The following NPAS3 variants were observed in gnomAD, a reference collection of about 807,000 sequenced individuals.
NPAS3 encodes the protein neuronal PAS domain-containing protein 3.
Under a neutral mutation model 73.1 loss-of-function variants are expected in NPAS3, and 14 were observed. The observed-to-expected ratio is 0.19, with a 90% CI of 0.13 to 0.30. The LOEUF is 0.30. NPAS3 is among the 10% of genes least tolerant of loss of function. The pLI, the probability that NPAS3 is intolerant of heterozygous loss-of-function variation, is 1.00. For synonymous variants in NPAS3, 620 were observed against 541.5 expected (o/e 1.14, Z -2.01); for missense variants, 1,096 against 1,250.0 (o/e 0.88, Z 1.86).
intron 4 of NPAS3, among the ~76,000 whole-genome samples, chr14:33,379,895 T>C (rs895921084): frequency 6.6e-6 from 1 of 151,988 alleles, no homozygotes; most frequent in African/African-American, 2.4e-5. Flanking sequence ...AACAATTATA[T>C]TATAATGTCA....
At chr14:32,968,601 C>A (rs970767099) in intron 1 of NPAS3, among the ~76,000 whole-genome samples, 4 of 152,072 alleles carry the variant, frequency 2.6e-5, no homozygotes, top group African/African-American at 9.7e-5. Context: ...CATTTCCACA[C>A]TTTAAATCAT....
intron 4 of NPAS3, among the ~76,000 whole-genome samples, chr14:33,536,695 G>A (rs184743922): frequency 6.6e-6 from 1 of 151,914 alleles, no homozygotes; most frequent in Non-Finnish European, 1.5e-5. Flanking sequence ...ATGCTTTGGA[G>A]GTTCCTGCTG....
At chr14:33,715,532 C>A (rs1055036964) in intron 6 of NPAS3, among the ~76,000 whole-genome samples, 5 of 152,164 alleles carry the variant, frequency 3.3e-5, no homozygotes, top group African/African-American at 1.2e-4. Context: ...CTCTCCCCTG[C>A]TCTTGCCTGT....
rs141947558 is a variant in NPAS3, at chr14:33,592,765, T to A, written c.558+32555T>A. 2.0e-4 allele frequency among the ~76,000 whole-genome samples: 30 copies of A among 152,326 alleles called. 1 individual carries two copies. Among genetic ancestry groups the A allele is most frequent in the African/African-American group, 7.2e-4 (30 of 41,574 alleles). ...TGGAAATGTAATAATCCTTTAAGGCTCTTTTTAGTAAGAGAATAAAACAGA... is the reference window on the plus strand; with the variant it reads ...TGGAAATGTAATAATCCTTTAAGGCACTTTTTAGTAAGAGAATAAAACAGA... On this transcript the variant is annotated intron_variant, in intron 5 of 11. Transcript: ENST00000356141.
At chr14:33,361,059 C>G (rs149337399) in intron 3 of NPAS3, among the ~76,000 whole-genome samples, 168 of 152,278 alleles carry the variant, frequency 1.1e-3, no homozygotes, top group African/African-American at 3.3e-3. Flanking sequence ...GAGGGACATA[C>G]AGTATTCTTA....
At chr14:33,363,585 C>A (rs1298245632) in intron 3 of NPAS3, among the ~76,000 whole-genome samples, 1 of 152,116 alleles carries the variant, frequency 6.6e-6, no homozygotes, top group Non-Finnish European at 1.5e-5. Flanking sequence ...TTATTTTTAA[C>A]CCTTGTAAAA....
At position 33,388,061 on chromosome 14, in the gene NPAS3, G is replaced by GA. The variant is rs1168712568; in HGVS notation, c.468+20793_468+20794insA. 3.8e-4 allele frequency among the ~76,000 whole-genome samples: 58 copies of GA among 152,200 alleles called. 1 individual carries two copies. Among genetic ancestry groups the GA allele is most frequent in the African/African-American group, 9.9e-4 (41 of 41,540 alleles). ...TGTGACCTTGAGTAGGACCTTCACTGGTGAATGTGGTTTTACCAAGTAAAG... is the reference window on the plus strand; with the variant it reads ...TGTGACCTTGAGTAGGACCTTCACTGAGTGAATGTGGTTTTACCAAGTAAAG... On this transcript the variant is annotated intron_variant, in intron 4 of 11. Coordinates refer to ENST00000356141, the Ensembl canonical transcript of NPAS3.
chr14:33,597,913 A>T (rs980456292), intron 5 of NPAS3, among the ~76,000 whole-genome samples: 11 of 152,232 alleles, frequency 7.2e-5, no homozygotes, highest in African/African-American at 2.4e-4. Context: ...AGCCTATCTG[A>T]AAATTCATAG....
chr14:33,568,428 AG>A (rs1462413442), intron 5 of NPAS3, among the ~76,000 whole-genome samples: 1 of 152,192 alleles, frequency 6.6e-6, no homozygotes, highest in East Asian at 1.9e-4. Flanking sequence ...TATTATGCAA[AG>A]TTAGAAAGTA....
chr14:33,724,186 G>C (rs1202610419), intron 6 of NPAS3, among the ~76,000 whole-genome samples: 1 of 152,142 alleles, frequency 6.6e-6, no homozygotes, highest in Non-Finnish European at 1.5e-5. Flanking sequence ...ATATGTCAGA[G>C]TTAATATCCT....
intron 5 of NPAS3, among the ~76,000 whole-genome samples, chr14:33,648,592 G>A (rs1369331295): frequency 1.3e-5 from 2 of 152,112 alleles, no homozygotes; most frequent in Admixed American, 1.3e-4. Context: ...CTAATGAACT[G>A]CCATAGTTTG....
intron 1 of NPAS3, among the ~76,000 whole-genome samples, chr14:33,034,983 AAAAAATAT>A (rs2040117070): frequency 1.3e-5 from 2 of 152,204 alleles, no homozygotes; most frequent in African/African-American, 4.8e-5. Flanking sequence ...AATTTCATAG[AAAAAATAT>A]CACATTGCTT....
At chr14:33,765,549 G>A (rs1371352349) in intron 7 of NPAS3, among the ~76,000 whole-genome samples, 2 of 152,150 alleles carry the variant, frequency 1.3e-5, no homozygotes, top group Non-Finnish European at 2.9e-5. Flanking sequence ...AGCGTGCACA[G>A]GAAATATGCC....
intron 3 of NPAS3, among the ~76,000 whole-genome samples, chr14:33,272,534 A>C (rs913048713): frequency 6.6e-6 from 1 of 152,140 alleles, no homozygotes; most frequent in East Asian, 1.9e-4. Flanking sequence ...CTCTTCCCTC[A>C]GCCTCCCGAG....
intron 7 of NPAS3, among the ~76,000 whole-genome samples, chr14:33,761,114 C>T (rs1045811928): frequency 2.6e-5 from 4 of 152,190 alleles, no homozygotes; most frequent in African/African-American, 7.2e-5. Flanking sequence ...ATGGACAGAA[C>T]GTGTACTACA....
At chr14:33,346,017 G>T (rs964352502) in intron 3 of NPAS3, among the ~76,000 whole-genome samples, 1 of 151,924 alleles carries the variant, frequency 6.6e-6, no homozygotes, top group Non-Finnish European at 1.5e-5. Context: ...AGGATCACAA[G>T]GTCAGGAGTT....
chr14:33,443,976 G>A (rs1464988091), intron 4 of NPAS3, among the ~76,000 whole-genome samples: 2 of 152,210 alleles, frequency 1.3e-5, no homozygotes, highest in Non-Finnish European at 2.9e-5. Context: ...TGTGGTACTG[G>A]ATCTTTTGAT....
chr14:33,096,616 T>G (rs768534285), intron 2 of NPAS3, among the ~76,000 whole-genome samples: 1 of 152,194 alleles, frequency 6.6e-6, no homozygotes, highest in Non-Finnish European at 1.5e-5. Flanking sequence ...GTAATAAAAT[T>G]GAACTAAATA....
At chr14:33,275,696 C>A (rs976582174) in intron 3 of NPAS3, among the ~76,000 whole-genome samples, 1 of 92,382 alleles carries the variant, frequency 1.1e-5, no homozygotes, top group Non-Finnish European at 2.4e-5. Context: ...TGACAATATT[C>A]CTGGTTGTTT....
Sources: allele counts gnomAD v4.1 joint callset (sites outside exome capture counted in the v4.1 genomes callset), GRCh38; gene constraint gnomAD v4.1.1; transcripts MANE v1.5; gene names NCBI Gene and HGNC (gene_info 2026-07-23, HGNC 2026-07-21).